ROBO1: variants seen among roughly 807,000 people sequenced by gnomAD.
The protein encoded by ROBO1 is roundabout homolog 1.
A neutral mutation model predicts 195.9 loss-of-function variants in ROBO1; 149 were observed. The ratio of observed to expected loss-of-function variants is 0.76; its 90% CI spans 0.67 to 0.87. ROBO1 has a LOEUF of 0.87. Ranked by LOEUF, ROBO1 falls within the 40% of genes least tolerant of loss-of-function variation. The pLI is 0.00. For missense variants in ROBO1, 1,933 were observed against 2,068.3 expected, an observed-to-expected ratio of 0.93 and a Z score of 1.27; for synonymous variants, 816 against 733.2, an observed-to-expected ratio of 1.11 and a Z score of -1.82.
At chr3:79,473,028 A>G (rs758137255) in intron 2 of ROBO1, among the ~76,000 whole-genome samples, 3 of 152,152 alleles carry the variant, frequency 2.0e-5, no homozygotes, top group South Asian at 4.1e-4. Flanking sequence ...TAAAAACACA[A>G]GTGGGTTGAA....
intron 3 of ROBO1, among the ~76,000 whole-genome samples, chr3:79,047,782 A>G (rs916496621): frequency 2.0e-5 from 3 of 152,106 alleles, no homozygotes; most frequent in South Asian, 2.1e-4. Flanking sequence ...CATGGTAGAC[A>G]TTAAGCCCTA....
intron 1 of ROBO1, among the ~76,000 whole-genome samples, chr3:79,726,034 A>G (rs1166740115): frequency 6.6e-6 from 1 of 152,220 alleles, no homozygotes; most frequent in Non-Finnish European, 1.5e-5. Context: ...AATTCAAACA[A>G]GAGTCTGGCA....
intron 1 of ROBO1, among the ~76,000 whole-genome samples, chr3:79,706,488 A>C (rs1311321536): frequency 2.0e-5 from 3 of 152,112 alleles, no homozygotes; most frequent in Non-Finnish European, 4.4e-5. Flanking sequence ...CACATCTGAG[A>C]TAAATCCTAT....
In ROBO1 at chr3:79,550,187, G is replaced by GGA. The variant is rs1257338360; in HGVS notation, c.88+39636_88+39637insTC. Among the ~76,000 whole-genome samples the GGA allele has an allele frequency of 2.1e-3, 169 of 79,426 alleles. 1 individual carries two copies. The highest frequency in any genetic ancestry group is 0.011 in the African/African-American group (127 of 11,652). The allele number at this position is 79,426 out of a possible 152,430, so 52.1% of individuals were successfully genotyped here. ...AGAAAGGAAGAAAGAAAGAAAGAAA[G>GGA]AAAGAAAGGAAAAGAAAAGAAAAGA... On this transcript the variant is annotated intron_variant, in intron 2 of 30. Transcript: ENST00000464233.
At chr3:79,001,884 A>C (rs2077513657) in intron 3 of ROBO1, among the ~76,000 whole-genome samples, 1 of 152,148 alleles carries the variant, frequency 6.6e-6, no homozygotes, top group East Asian at 1.9e-4. Flanking sequence ...ACATAAACTT[A>C]TTTAATTTTC....
At chr3:78,966,392 C>G (rs1322623156) in intron 3 of ROBO1, among the ~76,000 whole-genome samples, 1 of 152,192 alleles carries the variant, frequency 6.6e-6, no homozygotes, top group Non-Finnish European at 1.5e-5. Context: ...TAATTTGTAT[C>G]TACTGATATT....
At chr3:78,671,375 G>A (rs919458144) in intron 10 of ROBO1, among the ~76,000 whole-genome samples, 1 of 151,706 alleles carries the variant, frequency 6.6e-6, no homozygotes, top group African/African-American at 2.4e-5. Context: ...GGATGTTAAT[G>A]AAAAATTTTT....
At chr3:79,420,151 C>T (rs1458470130) in intron 2 of ROBO1, among the ~76,000 whole-genome samples, 1 of 152,052 alleles carries the variant, frequency 6.6e-6, no homozygotes, top group Non-Finnish European at 1.5e-5. Context: ...ACAGGTGTTT[C>T]AGAATTCATG....
chr3:78,883,244 T>TA (rs34278886), intron 4 of ROBO1, among the ~76,000 whole-genome samples: 2,736 of 147,684 alleles, frequency 0.019, 64 homozygotes, highest in Middle Eastern at 0.035. Flanking sequence ...TTTCTGTTGG[T>TA]AAAAAAAAAA....
chr3:78,703,764 A>G (rs1410887041), intron 8 of ROBO1, among the ~76,000 whole-genome samples: 4 of 151,516 alleles, frequency 2.6e-5, no homozygotes, highest in Non-Finnish European at 5.9e-5. Context: ...GTATATACAT[A>G]TATCTACCCA....
intron 5 of ROBO1, among the ~76,000 whole-genome samples, chr3:78,724,233 A>G (rs2082110082): frequency 6.6e-6 from 1 of 152,182 alleles, no homozygotes; most frequent in South Asian, 2.1e-4. Flanking sequence ...ATGGATCTTA[A>G]AAGGCCATAA....
intron 5 of ROBO1, among the ~76,000 whole-genome samples, chr3:78,737,864 C>T (rs1400525266): frequency 1.3e-5 from 2 of 151,770 alleles, no homozygotes; most frequent in Non-Finnish European, 2.9e-5. Flanking sequence ...AAGATGAACC[C>T]CAAAAAAATC....
At position 78,627,482 on chromosome 3, in the gene ROBO1, G is replaced by T. The variant is rs757872468; in HGVS notation, c.3714C>A (p.Gly1238=). The change falls in exon 26 of 31, where the codon GGC becomes GGA. Residue 1238 remains glycine (G), a synonymous_variant. Transcript: ENST00000464233. ...CTGCTCCCCGAACAGGGGGAGTGGGGCCTCGTTCATCTTCCTCCTCTTCTA... is the reference window on the plus strand; with the variant it reads ...CTGCTCCCCGAACAGGGGGAGTGGGTCCTCGTTCATCTTCCTCCTCTTCTA... ...DELEEEEDER[G]PTPPVRGAAS... 6.2e-7 allele frequency: 1 copy of T among 1,613,198 alleles called. No individual in the cohort carries two copies. Among genetic ancestry groups the T allele is most frequent in the Non-Finnish European group, 8.5e-7 (1 of 1,179,596 alleles).
chr3:79,003,309 G>A (rs1324298448), intron 3 of ROBO1, among the ~76,000 whole-genome samples: 2 of 152,092 alleles, frequency 1.3e-5, no homozygotes, highest in African/African-American at 4.8e-5. Flanking sequence ...CGGGAGGGGA[G>A]ATTAAATTAT....
chr3:79,053,326 C>A (rs2078739629), intron 3 of ROBO1, among the ~76,000 whole-genome samples: 1 of 152,010 alleles, frequency 6.6e-6, no homozygotes, highest in Admixed American at 6.6e-5. Flanking sequence ...ACTTCAATAT[C>A]TAACTCCAGT....
chr3:78,769,865 G>C (rs956878016), intron 4 of ROBO1, among the ~76,000 whole-genome samples: 3 of 151,966 alleles, frequency 2.0e-5, no homozygotes, highest in Non-Finnish European at 4.4e-5. Flanking sequence ...AAAATTCTTG[G>C]CTAATAATTG....
chr3:78,624,400 A>C (rs1193991011), intron 26 of ROBO1, among the ~76,000 whole-genome samples: 1 of 152,170 alleles, frequency 6.6e-6, no homozygotes. Context: ...GCCCAGTGTT[A>C]TTTCCAGCAA....
chr3:79,743,590 AC>A (rs1422522528), intron 1 of ROBO1, among the ~76,000 whole-genome samples: 2 of 152,080 alleles, frequency 1.3e-5, no homozygotes, highest in Non-Finnish European at 2.9e-5. Flanking sequence ...CCTTACTGAA[AC>A]TTTTTTCTTT....
intron 2 of ROBO1, among the ~76,000 whole-genome samples, chr3:79,355,779 T>C (rs2035527639): frequency 2.0e-5 from 3 of 152,220 alleles, no homozygotes; most frequent in African/African-American, 2.4e-5. Flanking sequence ...ATTATGTATA[T>C]ATACATCACA....
Sources: allele counts gnomAD v4.1 joint callset (sites outside exome capture counted in the v4.1 genomes callset), GRCh38; gene constraint gnomAD v4.1.1; transcripts MANE v1.5; gene names NCBI Gene and HGNC (gene_info 2026-07-23, HGNC 2026-07-21).